Variants in TTC27 observed in about 807,000 individuals in gnomAD.
TTC27 encodes the protein tetratricopeptide repeat protein 27.
In TTC27, 79 loss-of-function variants were observed where a neutral mutation model predicts 115.9. The observed-to-expected ratio is 0.68, with a 90% confidence interval of 0.57 to 0.82. The LOEUF (loss-of-function observed/expected upper bound fraction) is 0.82. Among genes scored for constraint, TTC27 ranks in the 40% least tolerant of loss-of-function variants. The pLI, the probability that TTC27 is intolerant of heterozygous loss-of-function variation, is 0.00. For synonymous variants in TTC27, 401 were observed against 356.0 expected (o/e 1.13, Z -1.42); for missense variants, 1,054 against 993.1 (o/e 1.06, Z -0.82).
In TTC27 at chr2:32,689,648, G is replaced by A. The variant is rs560052108; in HGVS notation, c.1119+10726G>A. 4.8e-4 allele frequency among the ~76,000 whole-genome samples: 73 copies of A among 152,172 alleles called. 2 individuals are homozygous for A. The South Asian group carries it at 0.015, about 31-fold the overall frequency. On this transcript the variant is annotated intron_variant, in intron 9 of 19. Transcript: ENST00000317907. ...GAATATACTGTTTAGAGCTCAAGTT[G>A]GGGGTACTTTTGACCCTTTGCATTT...
intron 12 of TTC27, among the ~76,000 whole-genome samples, chr2:32,742,483 A>G (rs922602273): frequency 3.3e-5 from 5 of 152,262 alleles, no homozygotes; most frequent in Admixed American, 6.5e-5. Flanking sequence ...TAACTGTGAA[A>G]AACAATTAGT....
At chr2:32,654,425 C>G (rs574198532) in intron 5 of TTC27, among the ~76,000 whole-genome samples, 63 of 151,942 alleles carry the variant, frequency 4.1e-4, no homozygotes, top group Non-Finnish European at 7.8e-4. Flanking sequence ...TTTAATTAAC[C>G]TATAATAAGA....
At chr2:32,795,546 A>T (rs1375514462) in intron 16 of TTC27, among the ~76,000 whole-genome samples, 1 of 149,246 alleles carries the variant, frequency 6.7e-6, no homozygotes, top group Non-Finnish European at 1.5e-5. Context: ...TTATTTATTT[A>T]TTTATTTATT....
chr2:32,675,469 T>A (rs1666163725), intron 8 of TTC27, among the ~76,000 whole-genome samples: 1 of 152,198 alleles, frequency 6.6e-6, no homozygotes, highest in Non-Finnish European at 1.5e-5. Flanking sequence ...AAGATCTCAG[T>A]GGAATTTCAA....
intron 16 of TTC27, among the ~76,000 whole-genome samples, chr2:32,797,520 A>G (rs1411269423): frequency 1.3e-5 from 2 of 152,136 alleles, no homozygotes; most frequent in Admixed American, 6.5e-5. Context: ...TCAATGGGGA[A>G]ATTTCAACAA....
chr2:32,787,190 A>AC, intron 16 of TTC27, 41 bp downstream of exon 16: 1 of 1,579,300 alleles, frequency 6.3e-7, no homozygotes, highest in Non-Finnish European at 8.6e-7. Flanking sequence ...TGTGTTTGAT[A>AC]CTAATCCTTG....
At chr2:32,674,542 AT>A (rs1360893448) in intron 8 of TTC27, among the ~76,000 whole-genome samples, 2 of 152,194 alleles carry the variant, frequency 1.3e-5, no homozygotes, top group Non-Finnish European at 2.9e-5. Context: ...GTTTTCTTTT[AT>A]ATAAAAGTTG....
At chr2:32,703,409 G>A (rs974686993) in intron 10 of TTC27, among the ~76,000 whole-genome samples, 2 of 152,338 alleles carry the variant, frequency 1.3e-5, no homozygotes, top group South Asian at 2.1e-4. Context: ...AAAGGTCGCA[G>A]TGAGCCGAGA....
chr2:32,800,004 C>T (rs1273902118), intron 16 of TTC27, among the ~76,000 whole-genome samples: 3 of 152,162 alleles, frequency 2.0e-5, no homozygotes, highest in Non-Finnish European at 2.9e-5. Flanking sequence ...CTGGCTGCGT[C>T]GCCTTGGGCA....
At chr2:32,724,954 A>G (rs1295669470) in intron 10 of TTC27, among the ~76,000 whole-genome samples, 1 of 152,220 alleles carries the variant, frequency 6.6e-6, no homozygotes, top group African/African-American at 2.4e-5. Context: ...AGCAAGTCAC[A>G]TCTTACGTGG....
chr2:32,638,931 C>T (rs559179100), intron 3 of TTC27, among the ~76,000 whole-genome samples: 1 of 151,302 alleles, frequency 6.6e-6, no homozygotes, highest in African/African-American at 2.5e-5. Context: ...CTCCTGGGTT[C>T]ACAACATTCT....
intron 12 of TTC27, among the ~76,000 whole-genome samples, chr2:32,744,277 T>G (rs928852775): frequency 1.3e-5 from 2 of 152,208 alleles, no homozygotes; most frequent in African/African-American, 4.8e-5. Flanking sequence ...ACTCCTGTGA[T>G]TTTCCACACT....
At chr2:32,801,137 C>T (rs1670920357) in intron 16 of TTC27, among the ~76,000 whole-genome samples, 1 of 152,268 alleles carries the variant, frequency 6.6e-6, no homozygotes, top group South Asian at 2.1e-4. Context: ...GGAGAGTGCC[C>T]TCGGAAGAGT....
rs540182602 is a variant in TTC27 at position 32,761,928 on chromosome 2, C to T, written c.1680+3409C>T. ...GTATCTTCAACTACTTTTTTTCAGT[C>T]AAATATATACTAATTGTCTGCCCTG... On this transcript the variant is annotated intron_variant, in intron 13 of 19. Transcript: ENST00000317907. Among the ~76,000 whole-genome samples, 5 of 152,070 alleles carry T rather than the reference C, an allele frequency of 3.3e-5. No homozygotes were observed. In the East Asian group the frequency reaches 9.7e-4, roughly 29 times the overall value.
At position 32,672,334 on chromosome 2, in the gene TTC27, C is replaced by T. The variant is rs763294115; in HGVS notation, c.1002C>T (p.Phe334=). Residue 334 remains phenylalanine (F), a synonymous_variant, in exon 8 of 20, where the codon TTC becomes TTT. Transcript: ENST00000317907. Reference sequence around the variant, plus strand: ...TAAAGTTAGCAGATTGTGAACAGTTCCAGATGCCGGATCTGTGTGCTGAAG... The same window carrying T: ...TAAAGTTAGCAGATTGTGAACAGTTTCAGATGCCGGATCTGTGTGCTGAAG... The part of the protein sequence containing the change: ...NDIKLADCEQ[F]QMPDLCAEEI... The T allele has an allele frequency of 2.7e-5, 43 of 1,613,710 alleles. No individual in the cohort carries two copies. In the Admixed American group the frequency reaches 7.2e-4, roughly 27 times the overall value.
intron 1 of TTC27, among the ~76,000 whole-genome samples, chr2:32,628,742 T>TC (rs1348404166): frequency 5.1e-5 from 1 of 19,752 alleles, no homozygotes; most frequent in African/African-American, 2.5e-4. Flanking sequence ...ATTTTATCTA[T>TC]TTATTTATTT....
At chr2:32,724,759 A>C (rs1175919002) in intron 10 of TTC27, among the ~76,000 whole-genome samples, 1 of 152,254 alleles carries the variant, frequency 6.6e-6, no homozygotes, top group Non-Finnish European at 1.5e-5. Context: ...CCCAAAAAAT[A>C]AATGAAGTAA....
intron 18 of TTC27, among the ~76,000 whole-genome samples, chr2:32,815,051 A>T (rs1671452767): frequency 6.6e-6 from 1 of 151,978 alleles, no homozygotes; most frequent in Non-Finnish European, 1.5e-5. Flanking sequence ...CAATGTCATC[A>T]TTGTGTGCTC....
chr2:32,729,816 C>T (rs909938501), intron 10 of TTC27, among the ~76,000 whole-genome samples: 1 of 152,036 alleles, frequency 6.6e-6, no homozygotes, highest in African/African-American at 2.4e-5. Context: ...TGCTTCTTCT[C>T]CCCCTGTCTC....
Sources: gnomAD v4.1 joint callset for allele counts (sites outside exome capture counted in the v4.1 genomes callset) on GRCh38, gnomAD v4.1.1 for gene constraint, MANE v1.5 for transcripts, NCBI Gene and HGNC (gene_info 2026-07-23, HGNC 2026-07-21) for gene names.